Variants in SEL1L3 observed in about 807,000 individuals in gnomAD.
SEL1L3 encodes the protein protein sel-1 homolog 3.
Under a neutral mutation model 142.8 loss-of-function variants are expected in SEL1L3, and 76 were observed. That is an observed-to-expected ratio of 0.53 (90% CI 0.44 to 0.64). The LOEUF (loss-of-function observed/expected upper bound fraction) is 0.64. Among genes scored for constraint, SEL1L3 ranks in the 30% least tolerant of loss-of-function variants. SEL1L3 has a pLI of 0.00. For synonymous variants in SEL1L3, 504 were observed against 519.6 expected (o/e 0.97, Z 0.41); for missense variants, 1,262 against 1,381.7 (o/e 0.91, Z 1.37).
At chr4:25,771,852 C>T (rs2109147957) in intron 17 of SEL1L3, among the ~76,000 whole-genome samples, 1 of 152,340 alleles carries the variant, frequency 6.6e-6, no homozygotes, top group South Asian at 2.1e-4. Flanking sequence ...TGTCCGAGGA[C>T]AGCCTCAGGC....
chr4:25,764,248 T>C (rs1465749769), intron 20 of SEL1L3, among the ~76,000 whole-genome samples: 1 of 152,066 alleles, frequency 6.6e-6, no homozygotes, highest in African/African-American at 2.4e-5. Context: ...CTGTCATAGA[T>C]TGGAGAAGAT....
At chr4:25,766,091 CTT>C (rs1014142395) in intron 19 of SEL1L3, among the ~76,000 whole-genome samples, 8 of 152,266 alleles carry the variant, frequency 5.3e-5, no homozygotes, top group Admixed American at 2.6e-4. Flanking sequence ...TTTGGTAACT[CTT>C]TGCTTTAGCC....
intron 2 of SEL1L3, among the ~76,000 whole-genome samples, chr4:25,840,530 C>T (rs1009605215): frequency 4.0e-5 from 6 of 151,800 alleles, no homozygotes; most frequent in South Asian, 2.1e-4. Context: ...ATTTTTGAAA[C>T]GAAAAGAGTG....
chr4:25,853,664 C>CTTTTTTTTTTT (rs34922528), intron 1 of SEL1L3, among the ~76,000 whole-genome samples: 6 of 83,054 alleles, frequency 7.2e-5, no homozygotes, highest in Admixed American at 1.6e-4. Context: ...CTCTTCTTAC[C>CTTTTTTTTTTT]TTTTTTTTTT....
chr4:25,742,438 C>T (rs561644487), downstream of SEL1L3, among the ~76,000 whole-genome samples: 2 of 152,148 alleles, frequency 1.3e-5, no homozygotes, highest in African/African-American at 4.8e-5. Context: ...TTGGTGCAAT[C>T]AGGTGCGTGC....
At chr4:25,796,710 G>A (rs1712784789) in intron 11 of SEL1L3, among the ~76,000 whole-genome samples, 1 of 150,402 alleles carries the variant, frequency 6.6e-6, no homozygotes, top group Non-Finnish European at 1.5e-5. Context: ...GAGCCCGGGA[G>A]GTGGAGGTTG....
intron 9 of SEL1L3, among the ~76,000 whole-genome samples, chr4:25,813,910 ACTCT>A: frequency 6.6e-6 from 1 of 151,974 alleles, no homozygotes; most frequent in East Asian, 1.9e-4. Context: ...AAGCCTCCTC[ACTCT>A]CTACCCCCTG....
chr4:25,810,841 C>T (rs1713974049), intron 9 of SEL1L3, among the ~76,000 whole-genome samples: 1 of 152,234 alleles, frequency 6.6e-6, no homozygotes, highest in South Asian at 2.1e-4. Flanking sequence ...GGGGACTCGG[C>T]CACATCTATA....
the SEL1L3 span, chr4:25,718,106 G>T: frequency 1.3e-5 from 2 of 152,090 alleles, no homozygotes; most frequent in East Asian, 1.9e-4. Flanking sequence ...TAATTTTAGG[G>T]TTTAAGGATA....
intron 16 of SEL1L3, 102 bp downstream of exon 16, chr4:25,778,974 G>A: frequency 9.6e-7 from 1 of 1,036,500 alleles, no homozygotes; most frequent in Admixed American, 2.4e-5. Flanking sequence ...CTACATGCAT[G>A]TACAACTGGT....
chr4:25,812,417 C>A (rs1560322490), intron 9 of SEL1L3, among the ~76,000 whole-genome samples: 1 of 152,166 alleles, frequency 6.6e-6, no homozygotes, highest in Non-Finnish European at 1.5e-5. Context: ...CACAGTAGAG[C>A]TTGGATGTCC....
chr4:25,847,995 A>G (rs1053674120), intron 1 of SEL1L3, 131 bp from the exon 2 acceptor site: 1 of 643,592 alleles, frequency 1.6e-6, no homozygotes, highest in Non-Finnish European at 2.6e-6. Context: ...AATGCGGGAG[A>G]TAAAAGATGT....
Position 25,818,256 on chromosome 4 carries a change from C to A in SEL1L3, c.1446G>T (p.Leu482=). ...QEACHLHNSY[L]DLQRRYGRPS... Reference sequence around the variant, plus strand: ...GTCTCCCATACCTGCGCTGGAGGTCCAGGTAGGAGTTGTGGAGGTGGCCTA... The same window carrying A: ...GTCTCCCATACCTGCGCTGGAGGTCAAGGTAGGAGTTGTGGAGGTGGCCTA... Residue 482 remains leucine (L), a synonymous_variant, in exon 9 of 24, where the codon CTG becomes CTT. Transcript: ENST00000399878. 6.2e-7 allele frequency: 1 copy of A among 1,602,002 alleles called. No individual in the cohort carries two copies.
chr4:25,802,621 G>T (rs111468510), intron 10 of SEL1L3, among the ~76,000 whole-genome samples, 159 bp from the exon 11 acceptor site: 2 of 151,838 alleles, frequency 1.3e-5, no homozygotes, highest in Non-Finnish European at 1.5e-5. Flanking sequence ...TTGGCCTGTC[G>T]CCCAGGCTGG....
chr4:25,718,215 G>A, the SEL1L3 span: 2 of 152,136 alleles, frequency 1.3e-5, no homozygotes, highest in African/African-American at 2.4e-5. Context: ...CCCTCATTGT[G>A]TCTTGATTAG....
At chr4:25,749,819 T>C (rs555713828) in intron 23 of SEL1L3, among the ~76,000 whole-genome samples, 7 of 152,292 alleles carry the variant, frequency 4.6e-5, no homozygotes, top group Middle Eastern at 3.4e-3. Flanking sequence ...TTTGTACGGC[T>C]CGTGGTTTAA....
At chr4:25,838,496 C>T (rs1406412858) in intron 2 of SEL1L3, among the ~76,000 whole-genome samples, 5 of 152,240 alleles carry the variant, frequency 3.3e-5, no homozygotes, top group Admixed American at 3.3e-4. Context: ...CTCCCCACTG[C>T]AAACCAATGG....
chr4:25,719,125 G>C, the SEL1L3 span: 2 of 152,218 alleles, frequency 1.3e-5, no homozygotes, highest in African/African-American at 4.8e-5. Context: ...GCGGTGAGCC[G>C]AGATCGTGCC....
chr4:25,715,572 G>C, the SEL1L3 span, among the ~76,000 whole-genome samples: 10 of 151,986 alleles, frequency 6.6e-5, no homozygotes, highest in African/African-American at 2.4e-4. Flanking sequence ...ATCTAAAAAT[G>C]TTTTCCCTAG....
Sources: gnomAD v4.1 joint callset for allele counts (sites outside exome capture counted in the v4.1 genomes callset) on GRCh38, gnomAD v4.1.1 for gene constraint, MANE v1.5 for transcripts, NCBI Gene and HGNC (gene_info 2026-07-23, HGNC 2026-07-21) for gene names.